LRRC37A2: variants seen among roughly 807,000 people sequenced by gnomAD.
The protein encoded by LRRC37A2 is leucine rich repeat containing 37 member A2.
A neutral mutation model predicts 68.8 loss-of-function variants in LRRC37A2; 9 were observed. That is an observed-to-expected ratio of 0.13 (90% CI 0.08 to 0.23). LRRC37A2 has a LOEUF of 0.23. Among genes scored for constraint, LRRC37A2 ranks in the 10% least tolerant of loss-of-function variants. The pLI is 1.00. For missense variants in LRRC37A2, 168 were observed against 950.4 expected, an observed-to-expected ratio of 0.18 and a Z score of 10.82; for synonymous variants, 63 against 367.6, an observed-to-expected ratio of 0.17 and a Z score of 9.48.
chr17:46,858,079 G>A, the LRRC37A2 span, among the ~76,000 whole-genome samples: 5 of 152,040 alleles, frequency 3.3e-5, no homozygotes, highest in African/African-American at 7.2e-5. Context: ...ACAGGCATGC[G>A]CCACCATGCT....
the LRRC37A2 span, among the ~76,000 whole-genome samples, chr17:46,498,419 C>T: frequency 0.043 from 6,275 of 145,314 alleles, 63 homozygotes; most frequent in East Asian, 0.34. Context: ...ATGATAAAGG[C>T]TATGGTCCAC....
the LRRC37A2 span, among the ~76,000 whole-genome samples, chr17:46,925,156 T>C: frequency 2.6e-5 from 4 of 152,198 alleles, no homozygotes; most frequent in African/African-American, 4.8e-5. Flanking sequence ...ATAGTAAATA[T>C]TTTAGGCTCT....
At chr17:46,796,513 T>C in the LRRC37A2 span, among the ~76,000 whole-genome samples, 2 of 152,204 alleles carry the variant, frequency 1.3e-5, no homozygotes, top group Non-Finnish European at 2.9e-5. Context: ...AACCACAATG[T>C]TCTCCTGCCC....
the LRRC37A2 span, among the ~76,000 whole-genome samples, chr17:46,657,525 A>C: frequency 3.2e-5 from 4 of 125,226 alleles, no homozygotes; most frequent in Non-Finnish European, 6.8e-5. Context: ...CACCTTATGA[A>C]TGTTGTTTCA....
the LRRC37A2 span, chr17:46,940,718 A>AGTG: frequency 6.2e-7 from 1 of 1,601,180 alleles, no homozygotes; most frequent in Non-Finnish European, 8.5e-7. Context: ...CACACTTGAC[A>AGTG]GTGGTTGGCT....
At chr17:46,871,117 C>T in the LRRC37A2 span, among the ~76,000 whole-genome samples, 3 of 151,990 alleles carry the variant, frequency 2.0e-5, no homozygotes, top group African/African-American at 7.2e-5. Flanking sequence ...TGCTGTCACA[C>T]AGGCTGCTCT....
At chr17:46,911,935 C>T in the LRRC37A2 span, among the ~76,000 whole-genome samples, 30 of 152,106 alleles carry the variant, frequency 2.0e-4, no homozygotes, top group South Asian at 2.7e-3. Context: ...ATGAGGAGCT[C>T]GTAAGGAATG....
At chr17:46,707,444 A>G in the LRRC37A2 span, among the ~76,000 whole-genome samples, 1 of 152,172 alleles carries the variant, frequency 6.6e-6, no homozygotes, top group East Asian at 1.9e-4. Flanking sequence ...TATTAAGTAT[A>G]TTCATAATGT....
chr17:47,009,860 A>G, the LRRC37A2 span, among the ~76,000 whole-genome samples: 2 of 152,244 alleles, frequency 1.3e-5, no homozygotes, highest in African/African-American at 2.4e-5. Flanking sequence ...GTGGGCCAGC[A>G]GTAACAAAAT....
At chr17:46,791,438 C>G in the LRRC37A2 span, among the ~76,000 whole-genome samples, 2 of 152,100 alleles carry the variant, frequency 1.3e-5, no homozygotes, top group Non-Finnish European at 2.9e-5. Context: ...AACTCCTGAC[C>G]TCAAGTGATC....
chr17:46,780,213 T>C, the LRRC37A2 span, among the ~76,000 whole-genome samples: 1 of 152,202 alleles, frequency 6.6e-6, no homozygotes, highest in Non-Finnish European at 1.5e-5. Context: ...CCTCAGATGC[T>C]GCCGTCCACC....
At chr17:46,908,458 C>T in the LRRC37A2 span, among the ~76,000 whole-genome samples, 4 of 152,102 alleles carry the variant, frequency 2.6e-5, no homozygotes, top group African/African-American at 7.2e-5. Flanking sequence ...GCCTGGCCTC[C>T]GAGAACCGGC....
At chr17:46,915,583 C>T in the LRRC37A2 span, among the ~76,000 whole-genome samples, 1 of 152,226 alleles carries the variant, frequency 6.6e-6, no homozygotes, top group South Asian at 2.1e-4. Flanking sequence ...AAGACCTAGG[C>T]AAGCAGGGTC....
At chr17:46,907,752 G>T in the LRRC37A2 span, among the ~76,000 whole-genome samples, 366 of 151,634 alleles carry the variant, frequency 2.4e-3, 2 homozygotes, top group Non-Finnish European at 2.6e-3. Context: ...CTCAGCGGGG[G>T]GGGTGAGGCA....
chr17:46,813,395 C>A, the LRRC37A2 span, among the ~76,000 whole-genome samples: 2 of 148,662 alleles, frequency 1.3e-5, no homozygotes, highest in Non-Finnish European at 3.0e-5. Context: ...CTCCATCTCC[C>A]CACTCTCACC....
At chr17:46,854,446 A>G in the LRRC37A2 span, among the ~76,000 whole-genome samples, 1 of 152,216 alleles carries the variant, frequency 6.6e-6, no homozygotes. Flanking sequence ...ATAGAATCGT[A>G]GACTTCAGAG....
chr17:46,795,530 G>A, the LRRC37A2 span, among the ~76,000 whole-genome samples: 2 of 152,230 alleles, frequency 1.3e-5, no homozygotes, highest in African/African-American at 4.8e-5. Flanking sequence ...CCAAAGCTGC[G>A]AGCCCTCAGG....
the LRRC37A2 span, among the ~76,000 whole-genome samples, chr17:46,890,943 C>T: frequency 6.6e-6 from 1 of 152,202 alleles, no homozygotes; most frequent in Non-Finnish European, 1.5e-5. Flanking sequence ...CCATTAACAG[C>T]CCCTGAGGTA....
At chr17:46,906,923 T>G in the LRRC37A2 span, among the ~76,000 whole-genome samples, 1 of 152,202 alleles carries the variant, frequency 6.6e-6, no homozygotes, top group Non-Finnish European at 1.5e-5. Context: ...TGGAGCTCAC[T>G]AACCAGGTAC....
Sources: allele counts gnomAD v4.1 joint callset (sites outside exome capture counted in the v4.1 genomes callset), GRCh38; gene constraint gnomAD v4.1.1; transcripts MANE v1.5; gene names NCBI Gene and HGNC (gene_info 2026-07-23, HGNC 2026-07-21).